The following MECOM variants were observed in gnomAD, a reference collection of about 807,000 sequenced individuals.
The protein encoded by MECOM is MDS1 and EVI1 complex locus.
MECOM carries 13 observed loss-of-function variants against 116.3 expected under a neutral mutation model. The observed-to-expected ratio is 0.11, with a 90% CI of 0.07 to 0.18. MECOM has a LOEUF of 0.18. Among genes scored for constraint, MECOM ranks in the 10% least tolerant of loss-of-function variants. The pLI, the probability that MECOM is intolerant of heterozygous loss-of-function variation, is 1.00. For missense variants in MECOM, 1,299 were observed against 1,509.0 expected (o/e 0.86, Z 2.31); for synonymous variants, 528 against 535.2 (o/e 0.99, Z 0.19).
chr3:169,297,756 A>G (rs1715910107), intron 2 of MECOM, among the ~76,000 whole-genome samples: 1 of 152,256 alleles, frequency 6.6e-6, no homozygotes, highest in African/African-American at 2.4e-5. Context: ...TCAGAGAGCC[A>G]CAAGACTCTT....
chr3:169,141,448 A>G (rs563350321), intron 3 of MECOM, among the ~76,000 whole-genome samples: 1 of 152,028 alleles, frequency 6.6e-6, no homozygotes. Flanking sequence ...GGGAGTGTTC[A>G]TTATGTGATG....
At chr3:169,620,045 T>C (rs1335122017) in intron 1 of MECOM, among the ~76,000 whole-genome samples, 1 of 152,178 alleles carries the variant, frequency 6.6e-6, no homozygotes, top group East Asian at 1.9e-4. Context: ...AATTGCTTTG[T>C]TTTTCATAAT....
intron 2 of MECOM, among the ~76,000 whole-genome samples, chr3:169,261,447 C>T (rs1249013143): frequency 1.3e-5 from 2 of 152,106 alleles, no homozygotes. Flanking sequence ...GCCTGTAATC[C>T]CAGCACTTTG....
chr3:169,121,271 C>A, intron 6 of MECOM, 62 bp from the exon 7 acceptor site: 1 of 1,477,074 alleles, frequency 6.8e-7, no homozygotes. Flanking sequence ...TAAAGAAGAC[C>A]CGGGATGACT....
intron 1 of MECOM, among the ~76,000 whole-genome samples, chr3:169,433,645 G>GAAAGA (rs765007919): frequency 1.8e-5 from 2 of 111,924 alleles, no homozygotes; most frequent in African/African-American, 7.3e-5. Flanking sequence ...GAAAGAGAAA[G>GAAAGA]AAAGAAAGAA....
intron 1 of MECOM, among the ~76,000 whole-genome samples, chr3:169,493,871 C>T (rs1436478928): frequency 1.3e-5 from 2 of 151,928 alleles, no homozygotes; most frequent in African/African-American, 4.8e-5. Flanking sequence ...AGGGAAGGAA[C>T]CATAGAGAGA....
intron 1 of MECOM, among the ~76,000 whole-genome samples, chr3:169,461,980 A>G (rs1018407470): frequency 2.6e-5 from 4 of 152,184 alleles, no homozygotes; most frequent in African/African-American, 9.6e-5. Flanking sequence ...TCTTTGTTAT[A>G]TAACTTTGTT....
intron 1 of MECOM, among the ~76,000 whole-genome samples, chr3:169,531,805 G>A (rs528493891): frequency 2.1e-4 from 32 of 152,220 alleles, no homozygotes; most frequent in South Asian, 1.0e-3. Flanking sequence ...TCTGAAGAAG[G>A]GATTAATTCT....
At chr3:169,403,829 T>G (rs1736251007) in intron 1 of MECOM, among the ~76,000 whole-genome samples, 1 of 152,224 alleles carries the variant, frequency 6.6e-6, no homozygotes, top group East Asian at 1.9e-4. Flanking sequence ...TTAGTAATTC[T>G]ATTAACCCTC....
chr3:169,254,569 T>C (rs1270165277), intron 2 of MECOM, among the ~76,000 whole-genome samples: 3 of 152,262 alleles, frequency 2.0e-5, no homozygotes, highest in South Asian at 2.1e-4. Context: ...TTTCTGTACA[T>C]TTTATGTTTC....
At chr3:169,516,983 G>A (rs1756710319) in intron 1 of MECOM, among the ~76,000 whole-genome samples, 1 of 152,196 alleles carries the variant, frequency 6.6e-6, no homozygotes, top group South Asian at 2.1e-4. Context: ...TGTGGCATGA[G>A]CAATAGGAAC....
chr3:169,328,432 A>G (rs962597364), intron 2 of MECOM, among the ~76,000 whole-genome samples: 2 of 152,220 alleles, frequency 1.3e-5, no homozygotes, highest in African/African-American at 4.8e-5. Flanking sequence ...AACGAAATGA[A>G]AAACCCAGAA....
At position 169,084,338 on chromosome 3, in the gene MECOM, T is replaced by C. The variant is rs1044410240; in HGVS notation, c.*571A>G. ...TTTCCCTAGTTTTAAACAATGTACT[T>C]AAGAAGGCAAAAGGGGGAACAAGTA... On this transcript the variant is annotated 3_prime_UTR_variant, in exon 17 of 17. Coordinates refer to ENST00000651503, the MANE Select transcript of MECOM (RefSeq NM_004991.4). 4.3e-6 allele frequency: 1 copy of C among 231,542 alleles called. No individual in the cohort carries two copies. The highest frequency in any genetic ancestry group is 5.6e-5 in the Admixed American group (1 of 17,824). 14.3% of individuals were successfully genotyped at this position (231,542 alleles called of 1,614,324 possible).
intron 2 of MECOM, among the ~76,000 whole-genome samples, chr3:169,245,456 C>T (rs141190304): frequency 0.021 from 3,212 of 152,264 alleles, 32 homozygotes; most frequent in Middle Eastern, 0.041. Context: ...TGGCTTAGTG[C>T]TTTTCAATTG....
intron 2 of MECOM, among the ~76,000 whole-genome samples, chr3:169,179,194 TC>T (rs1038187684): frequency 6.6e-6 from 1 of 152,224 alleles, no homozygotes; most frequent in Non-Finnish European, 1.5e-5. Flanking sequence ...CCCATGCCTT[TC>T]TTTGTAATTT....
intron 1 of MECOM, among the ~76,000 whole-genome samples, chr3:169,642,102 T>A (rs11709683): frequency 0.29 from 43,683 of 152,160 alleles, 7,429 homozygotes; most frequent in East Asian, 0.45. Flanking sequence ...TAGTTATCAA[T>A]CACTAGTAAA....
chr3:169,364,512 A>T (rs918628814), intron 2 of MECOM, among the ~76,000 whole-genome samples: 23 of 152,034 alleles, frequency 1.5e-4, no homozygotes, highest in African/African-American at 5.6e-4. Flanking sequence ...AACATGCCCA[A>T]ACAATCAGCT....
chr3:169,270,723 AC>A (rs1335857483), intron 2 of MECOM, among the ~76,000 whole-genome samples: 4 of 152,162 alleles, frequency 2.6e-5, no homozygotes, highest in Non-Finnish European at 5.9e-5. Context: ...ATAAATTTAA[AC>A]CATGCAAGTA....
chr3:169,145,442 T>C (rs1739571810), intron 2 of MECOM: 1 of 234,472 alleles, frequency 4.3e-6, no homozygotes, highest in African/African-American at 2.2e-5. Flanking sequence ...AGTAAAAAGT[T>C]GGAGTTTGTT....
Sources: gnomAD v4.1 joint callset for allele counts (sites outside exome capture counted in the v4.1 genomes callset) on GRCh38, gnomAD v4.1.1 for gene constraint, MANE v1.5 for transcripts, NCBI Gene and HGNC (gene_info 2026-07-23, HGNC 2026-07-21) for gene names.